The following RAD52 variants were observed in gnomAD, a reference collection of about 807,000 sequenced individuals.
The protein encoded by RAD52 is DNA repair protein RAD52 homolog.
A neutral mutation model predicts 55.5 loss-of-function variants in RAD52; 47 were observed. That is an observed-to-expected ratio of 0.85 (90% CI 0.67 to 1.08). The LOEUF is 1.08. RAD52 is among the 50% of genes least tolerant of loss of function. The pLI, the probability that RAD52 is intolerant of heterozygous loss-of-function variation, is 0.00. For synonymous variants in RAD52, 184 were observed against 198.9 expected, an observed-to-expected ratio of 0.92 and a Z score of 0.63; for missense variants, 468 against 522.8, an observed-to-expected ratio of 0.90 and a Z score of 1.02.
intron 7 of RAD52, among the ~76,000 whole-genome samples, chr12:923,150 G>A (rs1051851121): frequency 6.6e-6 from 1 of 151,456 alleles, no homozygotes; most frequent in African/African-American, 2.4e-5. Flanking sequence ...GAGCCACAGC[G>A]CCTAACCTAA....
chr12:929,944 T>C lies in RAD52; in HGVS notation c.281-58A>G, dbSNP rs774023401. 273 of 1,576,992 alleles carry C rather than the reference T, an allele frequency of 1.7e-4. No homozygotes were observed. The Middle Eastern group carries it at 5.0e-3, about 29-fold the overall frequency. Reference sequence around the variant, plus strand: ...ACACTGACCGCTGGGCCACAACCATTCCTCCTGCTGGCAGCTGAGTCCACC... The same window carrying C: ...ACACTGACCGCTGGGCCACAACCATCCCTCCTGCTGGCAGCTGAGTCCACC... On this transcript the variant is annotated intron_variant, in intron 4 of 11. Transcript: ENST00000358495.
At chr12:947,908 A>C (rs145127978) in intron 1 of RAD52, among the ~76,000 whole-genome samples, 88 of 142,300 alleles carry the variant, frequency 6.2e-4, no homozygotes, top group Middle Eastern at 3.5e-3. Context: ...AAAAACAAAA[A>C]AAAAACTGCC....
chr12:983,054 T>C (rs60785559), intron 1 of RAD52, among the ~76,000 whole-genome samples: 15,127 of 151,944 alleles, frequency 0.1, 1,407 homozygotes, highest in African/African-American at 0.24. Flanking sequence ...TTCACCACGT[T>C]GGCCAGGCTG....
chr12:949,049 A>G (rs889275288), intron 1 of RAD52, among the ~76,000 whole-genome samples: 2 of 151,924 alleles, frequency 1.3e-5, no homozygotes, highest in African/African-American at 2.4e-5. Flanking sequence ...GTGAGCGTCA[A>G]ATTTTTATTT....
chr12:955,156 ATTC>A (rs1958587149), intron 1 of RAD52, among the ~76,000 whole-genome samples: 1 of 152,236 alleles, frequency 6.6e-6, no homozygotes, highest in South Asian at 2.1e-4. Context: ...GAACCACATA[ATTC>A]TTCATGACAG....
intron 1 of RAD52, chr12:975,036 T>C (rs142597784): frequency 3.9e-5 from 6 of 152,354 alleles, no homozygotes; most frequent in Non-Finnish European, 7.3e-5. Flanking sequence ...CACATTCATG[T>C]AGCTCTTATT....
At chr12:970,758 A>G (rs889862646) in intron 1 of RAD52, among the ~76,000 whole-genome samples, 2 of 152,192 alleles carry the variant, frequency 1.3e-5, no homozygotes, top group East Asian at 3.8e-4. Context: ...ACAAGGAGGT[A>G]TCTGAAGAAA....
At chr12:969,661 T>C (rs1038457897) in intron 1 of RAD52, among the ~76,000 whole-genome samples, 2 of 151,668 alleles carry the variant, frequency 1.3e-5, no homozygotes, top group Non-Finnish European at 2.9e-5. Flanking sequence ...CATGCTGTCA[T>C]GCTCCTGTAG....
At chr12:940,184 C>T (rs1957848554) in intron 1 of RAD52, among the ~76,000 whole-genome samples, 1 of 151,996 alleles carries the variant, frequency 6.6e-6, no homozygotes, top group Non-Finnish European at 1.5e-5. Context: ...CAAAGAATTC[C>T]GTTAAATCGG....
At chr12:926,844 CTG>C in intron 6 of RAD52, 3 of 1,536,874 alleles carry the variant, frequency 2.0e-6, no homozygotes, top group East Asian at 4.9e-5. Context: ...AGGGTGCTGT[CTG>C]TGCACTCGCA....
intron 6 of RAD52, among the ~76,000 whole-genome samples, chr12:926,330 CAA>C (rs61224274): frequency 2.6e-4 from 38 of 144,996 alleles, no homozygotes; most frequent in African/African-American, 2.3e-4. Context: ...CCTGTCTCTC[CAA>C]AAAAAAAAAA....
chr12:985,380 T>C (rs1592503124), intron 1 of RAD52, among the ~76,000 whole-genome samples: 1 of 152,018 alleles, frequency 6.6e-6, no homozygotes, highest in African/African-American at 2.4e-5. Flanking sequence ...TTGGCTCAAG[T>C]GACCCTCCTG....
chr12:918,445 G>T (rs1956528466), intron 7 of RAD52, among the ~76,000 whole-genome samples: 1 of 152,150 alleles, frequency 6.6e-6, no homozygotes, highest in Admixed American at 6.5e-5. Context: ...GGCCCAGGCT[G>T]GAGTGCAGTG....
intron 1 of RAD52, among the ~76,000 whole-genome samples, chr12:969,235 A>G (rs1483070388): frequency 6.6e-6 from 1 of 152,010 alleles, no homozygotes; most frequent in Non-Finnish European, 1.5e-5. Context: ...GCTGGAACCA[A>G]TCCACCACAG....
chr12:918,776 G>T, intron 7 of RAD52, among the ~76,000 whole-genome samples: 1 of 151,902 alleles, frequency 6.6e-6, no homozygotes, highest in Admixed American at 6.6e-5. Flanking sequence ...TGACTGCAAG[G>T]AACACAGCTG....
chr12:914,094 C>G lies in RAD52; in HGVS notation c.995G>C (p.Trp332Ser). 1.2e-6 allele frequency: 2 copies of G among 1,614,154 alleles called. No homozygotes were observed. The highest frequency in any genetic ancestry group is 1.7e-6 in the Non-Finnish European group (2 of 1,180,030). ...IKTLEDNSEK[W>S]AVTPDAGDGV... ...ATCCCCTGCATCGGGAGTCACAGCC[C>G]ACTTTTCAGAGTTGTCTTCAAGAGT... Residue 332 changes from tryptophan (W) to serine (S), a missense_variant, in exon 11 of 12, where the codon TGG becomes TCG. By Grantham distance (177) the Trp-to-Ser change is radical. Transcript: ENST00000358495.
intron 1 of RAD52, among the ~76,000 whole-genome samples, chr12:933,747 A>C (rs1957461383): frequency 6.6e-6 from 1 of 152,172 alleles, no homozygotes; most frequent in South Asian, 2.1e-4. Flanking sequence ...TAGGTGGAAC[A>C]TTGCTAATCC....
At chr12:981,771 T>TAAATAAAATAAAATAAATAAAATA (rs1959019128) in intron 1 of RAD52, among the ~76,000 whole-genome samples, 1 of 139,616 alleles carries the variant, frequency 7.2e-6, no homozygotes, top group Non-Finnish European at 1.5e-5. Context: ...AATAAATAAA[T>TAAATAAAATAAAATAAATAAAATA]AAATAAAATA....
intron 1 of RAD52, among the ~76,000 whole-genome samples, chr12:942,423 TG>T (rs1393234216): frequency 2.6e-5 from 4 of 152,020 alleles, no homozygotes; most frequent in Non-Finnish European, 5.9e-5. Context: ...AAACTAGAAA[TG>T]GGTGATAGGC....
Sources: allele counts gnomAD v4.1 joint callset (sites outside exome capture counted in the v4.1 genomes callset), GRCh38; gene constraint gnomAD v4.1.1; transcripts MANE v1.5; gene names NCBI Gene and HGNC (gene_info 2026-07-23, HGNC 2026-07-21).